Variants in C1GALT1 observed in about 807,000 individuals in gnomAD.
C1GALT1 encodes the protein glycoprotein-N-acetylgalactosamine 3-beta-galactosyltransferase 1.
In C1GALT1, 11 loss-of-function variants were observed where a neutral mutation model predicts 31.0. The ratio of observed to expected loss-of-function variants is 0.36; its 90% confidence interval spans 0.22 to 0.59. The LOEUF is 0.59. C1GALT1 is among the 20% of genes least tolerant of loss of function. The pLI is 0.79. For synonymous variants in C1GALT1, 175 were observed against 143.6 expected, an observed-to-expected ratio of 1.22 and a Z score of -1.56; for missense variants, 424 against 425.2, an observed-to-expected ratio of 1.00 and a Z score of 0.03.
At chr7:7,159,595 A>C (rs1202656144) in intron 2 of C1GALT1, among the ~76,000 whole-genome samples, 1 of 152,090 alleles carries the variant, frequency 6.6e-6, no homozygotes. Flanking sequence ...CCAGAGGCTC[A>C]ATAGAAACAG....
At chr7:7,204,119 GT>G (rs1208079006) in intron 1 of C1GALT1, among the ~76,000 whole-genome samples, 29 of 115,184 alleles carry the variant, frequency 2.5e-4, no homozygotes, top group East Asian at 2.3e-3. Flanking sequence ...TTGTTTTTTT[GT>G]TTTTTTTTTT....
At chr7:7,190,596 A>G (rs1345291670) in intron 1 of C1GALT1, among the ~76,000 whole-genome samples, 1 of 152,050 alleles carries the variant, frequency 6.6e-6, no homozygotes, top group East Asian at 1.9e-4. Flanking sequence ...ACCTTTTTTA[A>G]GGTAATATAT....
At chr7:7,230,420 T>A (rs1783015377) in intron 1 of C1GALT1, among the ~76,000 whole-genome samples, 1 of 152,116 alleles carries the variant, frequency 6.6e-6, no homozygotes, top group Admixed American at 6.5e-5. Flanking sequence ...TTATTTTGCT[T>A]TCAACTTTAT....
intron 3 of C1GALT1, among the ~76,000 whole-genome samples, chr7:7,239,194 T>TA (rs1783510294): frequency 6.6e-6 from 1 of 152,200 alleles, no homozygotes; most frequent in Non-Finnish European, 1.5e-5. Context: ...TCGTGAACCT[T>TA]ACATTCTGGA....
At chr7:7,205,984 G>A (rs1278742700) in intron 1 of C1GALT1, among the ~76,000 whole-genome samples, 1 of 151,826 alleles carries the variant, frequency 6.6e-6, no homozygotes, top group African/African-American at 2.4e-5. Context: ...CTGCATTACT[G>A]TCTCATTTCT....
At chr7:7,209,665 C>A (rs1781902420) in intron 1 of C1GALT1, 1 of 152,192 alleles carries the variant, frequency 6.6e-6, no homozygotes, top group African/African-American at 2.4e-5. Context: ...ATTGGATGTT[C>A]CTAGAAAGTT....
chr7:7,221,822 G>C (rs1034040404), intron 1 of C1GALT1, among the ~76,000 whole-genome samples: 1 of 152,142 alleles, frequency 6.6e-6, no homozygotes, highest in Non-Finnish European at 1.5e-5. Context: ...TAGCTCCTAA[G>C]GCTTGTTGCA....
At chr7:7,209,216 T>C (rs1477308398) in intron 1 of C1GALT1, among the ~76,000 whole-genome samples, 5 of 152,254 alleles carry the variant, frequency 3.3e-5, no homozygotes, top group Non-Finnish European at 7.3e-5. Flanking sequence ...TTGTTTGCTA[T>C]TGAAACGTGA....
At chr7:7,180,959 C>T (rs901239442), upstream of C1GALT1, among the ~76,000 whole-genome samples, 1 of 150,770 alleles carries the variant, frequency 6.6e-6, no homozygotes, top group Non-Finnish European at 1.5e-5. Context: ...GGGGGCAGGG[C>T]TGATTTGGTC....
At chr7:7,183,886 A>G (rs992245028) in intron 1 of C1GALT1, among the ~76,000 whole-genome samples, 6 of 152,222 alleles carry the variant, frequency 3.9e-5, no homozygotes, top group Non-Finnish European at 8.8e-5. Flanking sequence ...TAGAACCATA[A>G]TGAATCAATG....
chr7:7,162,517 G>T (rs1780345354), intron 2 of C1GALT1, among the ~76,000 whole-genome samples: 1 of 151,458 alleles, frequency 6.6e-6, no homozygotes, highest in Non-Finnish European at 1.5e-5. Context: ...GTCTATCATT[G>T]TTGGACATTT....
At chr7:7,188,273 T>A (rs1780907441) in intron 1 of C1GALT1, among the ~76,000 whole-genome samples, 1 of 152,198 alleles carries the variant, frequency 6.6e-6, no homozygotes, top group Non-Finnish European at 1.5e-5. Flanking sequence ...CATTGGTGAA[T>A]AATTTAGGTA....
At chr7:7,239,742 C>CGT (rs1562599284) in intron 3 of C1GALT1, among the ~76,000 whole-genome samples, 2 of 151,976 alleles carry the variant, frequency 1.3e-5, no homozygotes. Context: ...GTACTTATCC[C>CGT]CTGTCTTTAC....
chr7:7,190,385 G>A (rs1460922864), intron 1 of C1GALT1, among the ~76,000 whole-genome samples: 1 of 152,092 alleles, frequency 6.6e-6, no homozygotes. Flanking sequence ...TGCAAAGTGA[G>A]GTTGCTTCTG....
At chr7:7,224,963 C>T (rs1782687081) in intron 1 of C1GALT1, among the ~76,000 whole-genome samples, 1 of 152,122 alleles carries the variant, frequency 6.6e-6, no homozygotes, top group Non-Finnish European at 1.5e-5. Context: ...TCACCCTCTT[C>T]CCTCCCTCCA....
chr7:7,165,683 A>T (rs1426266520), intron 2 of C1GALT1, among the ~76,000 whole-genome samples: 1 of 152,134 alleles, frequency 6.6e-6, no homozygotes, highest in Non-Finnish European at 1.5e-5. Context: ...AAAAAAATGA[A>T]TAGTTGTAAG....
At chr7:7,187,501 A>T (rs890150450) in intron 1 of C1GALT1, among the ~76,000 whole-genome samples, 3 of 151,950 alleles carry the variant, frequency 2.0e-5, no homozygotes, top group African/African-American at 7.3e-5. Flanking sequence ...ATTAGTGGAG[A>T]GGTTGTTACC....
At chr7:7,212,883 G>A (rs773090094) in intron 1 of C1GALT1, among the ~76,000 whole-genome samples, 8 of 152,172 alleles carry the variant, frequency 5.3e-5, no homozygotes, top group Non-Finnish European at 7.3e-5. Flanking sequence ...GGAATGTCAC[G>A]ATGGCTTGAC....
chr7:7,220,520 T>G (rs1185611905), intron 1 of C1GALT1, among the ~76,000 whole-genome samples: 1 of 146,488 alleles, frequency 6.8e-6, no homozygotes, highest in East Asian at 2.0e-4. Flanking sequence ...TTAAAGTATC[T>G]TTATTCTTTT....
Sources: allele counts gnomAD v4.1 joint callset (sites outside exome capture counted in the v4.1 genomes callset), GRCh38; gene constraint gnomAD v4.1.1; transcripts MANE v1.5; gene names NCBI Gene and HGNC (gene_info 2026-07-23, HGNC 2026-07-21).